Variants in KAT2B observed in about 807,000 individuals in gnomAD.
KAT2B encodes histone acetyltransferase KAT2B.
Under a neutral mutation model 105.9 loss-of-function variants are expected in KAT2B, and 36 were observed. The observed-to-expected ratio is 0.34, with a 90% confidence interval of 0.26 to 0.45. The LOEUF is 0.45. KAT2B is among the 20% of genes least tolerant of loss of function. The pLI is 1.00. For missense variants in KAT2B, 820 were observed against 1,021.6 expected (o/e 0.80, Z 2.69); for synonymous variants, 397 against 377.9 (o/e 1.05, Z -0.59).
chr3:20,080,868 AAATAT>A (rs1327430992), intron 2 of KAT2B, among the ~76,000 whole-genome samples: 1 of 152,222 alleles, frequency 6.6e-6, no homozygotes, highest in East Asian at 1.9e-4. Flanking sequence ...AGGTTAAATA[AAATAT>A]ATTATTTAAT....
chr3:20,141,904 C>G (rs572687415), intron 13 of KAT2B, among the ~76,000 whole-genome samples: 1 of 152,002 alleles, frequency 6.6e-6, no homozygotes, highest in African/African-American at 2.4e-5. Context: ...GCGGGCTCCT[C>G]TCTCTCCCTG....
chr3:20,090,145 G>A (rs916424477), intron 2 of KAT2B, among the ~76,000 whole-genome samples: 1 of 152,148 alleles, frequency 6.6e-6, no homozygotes, highest in Non-Finnish European at 1.5e-5. Context: ...TATGTTATCT[G>A]CAGAGACAAT....
intron 2 of KAT2B, among the ~76,000 whole-genome samples, chr3:20,076,794 C>T (rs550783421): frequency 3.5e-4 from 53 of 152,274 alleles, no homozygotes; most frequent in African/African-American, 1.2e-3. Context: ...TTAGGAATTA[C>T]GCAAGCCTGA....
rs187505763 is a variant in KAT2B at position 20,148,157 on chromosome 3, T to C, written c.2157-86T>C. 4.5e-4 allele frequency: 630 copies of C among 1,410,430 alleles called. 9 individuals are homozygous for C. In the East Asian group the frequency reaches 0.013, roughly 28 times the overall value. 87.4% of individuals were successfully genotyped at this position (1,410,430 alleles called of 1,614,324 possible). On this transcript the variant is annotated intron_variant, in intron 15 of 17. Transcript: ENST00000263754. ...TTCTGGAATGGTTCCAATTTCAGGT[T>C]TTTGTAAGAATGAGCTGAATAGTAA...
intron 13 of KAT2B, among the ~76,000 whole-genome samples, chr3:20,142,558 T>C (rs375345605): frequency 2.6e-5 from 4 of 150,956 alleles, no homozygotes; most frequent in African/African-American, 4.8e-5. Context: ...TAAGTTGTAG[T>C]TGTCATTAGT....
chr3:20,118,395 A>G (rs1222314300), intron 7 of KAT2B, among the ~76,000 whole-genome samples: 2 of 148,672 alleles, frequency 1.3e-5, no homozygotes, highest in African/African-American at 2.5e-5. Flanking sequence ...ACTTAGGGGA[A>G]GAGTAGAGAG....
At chr3:20,043,524 A>G (rs1441993793) in intron 1 of KAT2B, among the ~76,000 whole-genome samples, 1 of 152,108 alleles carries the variant, frequency 6.6e-6, no homozygotes, top group Non-Finnish European at 1.5e-5. Context: ...AGTGGCTGCT[A>G]AGAACTCTTG....
At chr3:20,149,860 A>G (rs1262179429) in intron 17 of KAT2B, among the ~76,000 whole-genome samples, 1 of 152,186 alleles carries the variant, frequency 6.6e-6, no homozygotes, top group African/African-American at 2.4e-5. Flanking sequence ...TCCATTTCCA[A>G]CCATAAATTA....
chr3:20,100,016 CCTT>C, intron 4 of KAT2B, 62 bp downstream of exon 4: 1 of 852,178 alleles, frequency 1.2e-6, no homozygotes, highest in Non-Finnish European at 2.0e-6. Context: ...TTTTAATCCT[CCTT>C]TTATATCTCT....
intron 17 of KAT2B, 108 bp downstream of exon 17, chr3:20,148,595 T>C (rs1477925606): frequency 1.3e-6 from 1 of 796,894 alleles, no homozygotes; most frequent in South Asian, 1.8e-5. Flanking sequence ...GGGTAGGAAG[T>C]GTATGACGGG....
At chr3:20,068,058 G>A (rs530986543) in intron 1 of KAT2B, among the ~76,000 whole-genome samples, 23 of 150,682 alleles carry the variant, frequency 1.5e-4, no homozygotes, top group Admixed American at 7.3e-4. Context: ...CTGCAGTGGC[G>A]CAATCTTGGC....
chr3:20,063,161 A>G (rs933961598), intron 1 of KAT2B, among the ~76,000 whole-genome samples: 2 of 151,780 alleles, frequency 1.3e-5, no homozygotes, highest in Non-Finnish European at 2.9e-5. Flanking sequence ...TCGAATTCCT[A>G]GGCTCAAGGG....
intron 2 of KAT2B, among the ~76,000 whole-genome samples, chr3:20,075,056 G>A (rs1187374781): frequency 6.6e-6 from 1 of 152,106 alleles, no homozygotes; most frequent in African/African-American, 2.4e-5. Context: ...ACAAGGTCAG[G>A]AGTTCGAGAC....
In KAT2B at chr3:20,072,085, TG is replaced by T. The variant is rs376762888; in HGVS notation, c.304-245del. On this transcript the variant is annotated intron_variant, in intron 1 of 17. Transcript: ENST00000263754. ...CTGGGGGCAATGGTAGCAAAGTGTG[TG>T]GGTCAGCTGCGTGAGCTGTAGCATG... 1.8e-3 allele frequency among the ~76,000 whole-genome samples: 267 copies of T among 152,278 alleles called. 1 individual carries two copies. The highest frequency in any genetic ancestry group is 5.2e-3 in the African/African-American group (218 of 41,560).
intron 1 of KAT2B, among the ~76,000 whole-genome samples, chr3:20,046,956 C>T (rs1697821872): frequency 6.6e-6 from 1 of 152,082 alleles, no homozygotes; most frequent in Non-Finnish European, 1.5e-5. Context: ...GACAACTCCC[C>T]CCAACGAATG....
intron 1 of KAT2B, among the ~76,000 whole-genome samples, chr3:20,045,669 A>G (rs1697797044): frequency 6.6e-6 from 1 of 152,214 alleles, no homozygotes; most frequent in Non-Finnish European, 1.5e-5. Flanking sequence ...GGCCATTTAT[A>G]TTAATACGTA....
intron 13 of KAT2B, among the ~76,000 whole-genome samples, chr3:20,141,289 G>T (rs1221718824): frequency 6.6e-6 from 1 of 151,892 alleles, no homozygotes; most frequent in Non-Finnish European, 1.5e-5. Flanking sequence ...CTTTTTTTAT[G>T]CATATGAATG....
At chr3:20,127,074 C>G (rs138890002) in intron 10 of KAT2B, among the ~76,000 whole-genome samples, 178 of 152,266 alleles carry the variant, frequency 1.2e-3, no homozygotes, top group African/African-American at 4.2e-3. Flanking sequence ...GAGACACATA[C>G]CATGTTTGTC....
intron 2 of KAT2B, among the ~76,000 whole-genome samples, chr3:20,086,725 T>C (rs1292963262): frequency 6.6e-6 from 1 of 152,220 alleles, no homozygotes; most frequent in African/African-American, 2.4e-5. Flanking sequence ...GGGTGGCCTC[T>C]ACCTCTCTAA....
Sources: allele counts gnomAD v4.1 joint callset (sites outside exome capture counted in the v4.1 genomes callset), GRCh38; gene constraint gnomAD v4.1.1; transcripts MANE v1.5; gene names NCBI Gene and HGNC (gene_info 2026-07-23, HGNC 2026-07-21).